The following RPS6KC1 variants were observed in gnomAD, a reference collection of about 807,000 sequenced individuals.
RPS6KC1 encodes inactive ribosomal protein S6 kinase delta-1.
A neutral mutation model predicts 103.8 loss-of-function variants in RPS6KC1; 54 were observed. The observed-to-expected ratio is 0.52, with a 90% CI of 0.42 to 0.65. The LOEUF (loss-of-function observed/expected upper bound fraction) is 0.65, where lower values mean the gene tolerates loss of function less well. RPS6KC1 is among the 30% of genes least tolerant of loss of function. The pLI, the probability that RPS6KC1 is intolerant of heterozygous loss-of-function variation, is 0.00. For missense variants in RPS6KC1, 1,151 were observed against 1,253.8 expected, an observed-to-expected ratio of 0.92 and a Z score of 1.24; for synonymous variants, 439 against 438.7, an observed-to-expected ratio of 1.00 and a Z score of -0.01.
chr1:213,093,083 T>C (rs940521254), intron 3 of RPS6KC1, among the ~76,000 whole-genome samples: 1 of 152,202 alleles, frequency 6.6e-6, no homozygotes, highest in African/African-American at 2.4e-5. Context: ...CATATTAATC[T>C]TAATAAGTAA....
At chr1:213,216,204 CA>C (rs1483668917) in intron 8 of RPS6KC1, among the ~76,000 whole-genome samples, 1 of 151,690 alleles carries the variant, frequency 6.6e-6, no homozygotes. Context: ...AAATGGAAAA[CA>C]AAAAAAGGCA....
At chr1:213,311,424 C>A in the RPS6KC1 span, among the ~76,000 whole-genome samples, 2 of 152,210 alleles carry the variant, frequency 1.3e-5, no homozygotes, top group African/African-American at 4.8e-5. Flanking sequence ...AGGCGTGAGC[C>A]ACCGTGCCTG....
the RPS6KC1 span, among the ~76,000 whole-genome samples, chr1:213,500,602 A>T: frequency 6.6e-6 from 1 of 152,232 alleles, no homozygotes; most frequent in Non-Finnish European, 1.5e-5. Context: ...AGGTTTGTTT[A>T]CACTGTTATC....
At chr1:213,090,634 C>T (rs1325607263) in intron 3 of RPS6KC1, among the ~76,000 whole-genome samples, 1 of 152,142 alleles carries the variant, frequency 6.6e-6, no homozygotes, top group African/African-American at 2.4e-5. Context: ...AATTTTTCTA[C>T]ACATCTATTC....
the RPS6KC1 span, among the ~76,000 whole-genome samples, chr1:213,817,511 G>A: frequency 1.3e-5 from 2 of 152,316 alleles, no homozygotes; most frequent in Middle Eastern, 3.4e-3. Flanking sequence ...ACACTGTGGA[G>A]GGCCAGTGAA....
intron 6 of RPS6KC1, among the ~76,000 whole-genome samples, chr1:213,162,341 T>G (rs1264289542): frequency 6.6e-6 from 1 of 152,114 alleles, no homozygotes; most frequent in East Asian, 1.9e-4. Flanking sequence ...AGTGCAGTGG[T>G]GCCATCACAG....
At chr1:213,788,893 T>TCA in the RPS6KC1 span, among the ~76,000 whole-genome samples, 35,543 of 151,756 alleles carry the variant, frequency 0.23, 6,678 homozygotes, top group African/African-American at 0.51. Context: ...TTCCTCAGTT[T>TCA]CACACACACA....
At chr1:213,089,470 T>G (rs1038585392) in intron 3 of RPS6KC1, among the ~76,000 whole-genome samples, 4 of 152,102 alleles carry the variant, frequency 2.6e-5, no homozygotes, top group African/African-American at 9.7e-5. Flanking sequence ...TGTTTGTTTT[T>G]TTTTTTTTAA....
At chr1:213,646,792 T>C in the RPS6KC1 span, among the ~76,000 whole-genome samples, 3 of 151,996 alleles carry the variant, frequency 2.0e-5, no homozygotes, top group African/African-American at 7.2e-5. Flanking sequence ...CCTCAGCACA[T>C]GGGATAGACT....
chr1:213,757,705 A>G, the RPS6KC1 span, among the ~76,000 whole-genome samples: 2 of 152,116 alleles, frequency 1.3e-5, no homozygotes, highest in South Asian at 4.1e-4. Flanking sequence ...GTAAAGACAA[A>G]CTCGCCTTCT....
the RPS6KC1 span, among the ~76,000 whole-genome samples, chr1:213,832,187 C>T: frequency 6.6e-6 from 1 of 152,146 alleles, no homozygotes; most frequent in South Asian, 2.1e-4. Flanking sequence ...ACTGTGTTGG[C>T]TTCACCTTGG....
the RPS6KC1 span, among the ~76,000 whole-genome samples, chr1:213,610,673 C>CAGGGCAGTAATTGTTTA: frequency 6.6e-6 from 1 of 152,188 alleles, no homozygotes; most frequent in Non-Finnish European, 1.5e-5. Flanking sequence ...ACACACTCCC[C>CAGGGCAGTAATTGTTTA]AGGGCAGTAA....
the RPS6KC1 span, among the ~76,000 whole-genome samples, chr1:213,371,020 T>A: frequency 1.3e-5 from 2 of 152,112 alleles, no homozygotes; most frequent in African/African-American, 4.8e-5. Flanking sequence ...TCAATAGAGT[T>A]AAGTACATTC....
At chr1:213,385,562 G>A in the RPS6KC1 span, among the ~76,000 whole-genome samples, 1 of 152,320 alleles carries the variant, frequency 6.6e-6, no homozygotes, top group Non-Finnish European at 1.5e-5. Flanking sequence ...CTCCTCACTA[G>A]CTGAGGACTT....
the RPS6KC1 span, among the ~76,000 whole-genome samples, chr1:213,833,054 T>C: frequency 1.3e-5 from 2 of 151,878 alleles, no homozygotes; most frequent in African/African-American, 4.8e-5. Flanking sequence ...GGGAAACAGC[T>C]CTCCAGCCTT....
In RPS6KC1 at chr1:213,272,502, C is replaced by G. The variant is rs757923159; in HGVS notation, c.3091-22C>G. The G allele has an allele frequency of 3.8e-6, 6 of 1,574,792 alleles. No homozygotes were observed. In the African/African-American group the frequency reaches 8.1e-5, roughly 21 times the overall value. ...ATTTGCCAGTTGGATTCCTGTTACT[C>G]ACTAAGTCCGTCTTTTTTTAGCTCT... On this transcript the variant is annotated intron_variant, in intron 14 of 14. Transcript: ENST00000366960.
intron 12 of RPS6KC1, among the ~76,000 whole-genome samples, chr1:213,246,551 A>C (rs957076718): frequency 2.0e-5 from 3 of 151,892 alleles, no homozygotes; most frequent in Non-Finnish European, 4.4e-5. Context: ...TTACACACAT[A>C]CACACAAAAG....
chr1:213,179,612 C>T (rs1056301091), intron 8 of RPS6KC1, among the ~76,000 whole-genome samples: 8 of 152,080 alleles, frequency 5.3e-5, no homozygotes, highest in Admixed American at 3.9e-4. Flanking sequence ...CTACAGAACA[C>T]AGTTTCTTTG....
At chr1:213,695,062 C>T in the RPS6KC1 span, among the ~76,000 whole-genome samples, 7 of 152,224 alleles carry the variant, frequency 4.6e-5, no homozygotes, top group African/African-American at 1.2e-4. Flanking sequence ...ACGGAATGTA[C>T]GTTCCGTGAA....
Sources: allele counts gnomAD v4.1 joint callset (sites outside exome capture counted in the v4.1 genomes callset), GRCh38; gene constraint gnomAD v4.1.1; transcripts MANE v1.5; gene names NCBI Gene and HGNC (gene_info 2026-07-23, HGNC 2026-07-21).